Variants in BLOC1S3 observed in about 807,000 individuals in gnomAD.
BLOC1S3 encodes the protein biogenesis of lysosomal organelles complex 1 subunit 3.
In BLOC1S3, 7 loss-of-function variants were observed where a neutral mutation model predicts 9.1. That is an observed-to-expected ratio of 0.77 (90% CI 0.44 to 1.45). The LOEUF (loss-of-function observed/expected upper bound fraction) is 1.45. BLOC1S3 is among the 40% of genes most tolerant of loss of function. The probability of loss-of-function intolerance (pLI) is 0.01; values close to 1 mark genes in which losing one functional copy is unlikely to be tolerated. For synonymous variants in BLOC1S3, 145 were observed against 158.4 expected, an observed-to-expected ratio of 0.92 and a Z score of 0.64; for missense variants, 307 against 315.2, an observed-to-expected ratio of 0.97 and a Z score of 0.20.
chr19:45,199,650 C>A (rs2122923556), intron 2 of BLOC1S3, among the ~76,000 whole-genome samples: 1 of 151,736 alleles, frequency 6.6e-6, no homozygotes, highest in Middle Eastern at 3.4e-3. Flanking sequence ...TCTCCTCTGG[C>A]TGTGTCTTGT....
Position 45,180,013 on chromosome 19 carries a change from T to A in BLOC1S3, c.*108T>A. On this transcript the variant is annotated 3_prime_UTR_variant, in exon 2 of 2. Coordinates refer to ENST00000433642, the MANE Select transcript of BLOC1S3 (RefSeq NM_212550.5). Reference sequence around the variant, plus strand: ...TTATCACCCCCCACCCCCGCTCCCATCTTGGTGTCACCCATGGGGGCTAAT... The same window carrying A: ...TTATCACCCCCCACCCCCGCTCCCAACTTGGTGTCACCCATGGGGGCTAAT... The A allele has an allele frequency of 7.4e-7, 1 of 1,343,938 alleles. No individual in the cohort carries two copies. Among genetic ancestry groups the A allele is most frequent in the Non-Finnish European group, 1.0e-6 (1 of 982,380 alleles). The allele number at this position is 1,343,938 out of a possible 1,614,324, so 83.3% of individuals were successfully genotyped here.
At chr19:45,201,344 G>A (rs1434162559) in intron 2 of BLOC1S3, among the ~76,000 whole-genome samples, 5 of 152,040 alleles carry the variant, frequency 3.3e-5, no homozygotes, top group South Asian at 4.1e-4. Flanking sequence ...ATCTCTGTAC[G>A]GAGCTGCCTG....
chr19:45,208,659 G>A (rs1969745602), intron 3 of BLOC1S3, among the ~76,000 whole-genome samples: 1 of 152,132 alleles, frequency 6.6e-6, no homozygotes, highest in South Asian at 2.1e-4. Context: ...GGAGGCTGAG[G>A]CAGGAGAATC....
chr19:45,185,461 C>G (rs565967156), downstream of BLOC1S3, among the ~76,000 whole-genome samples: 442 of 152,278 alleles, frequency 2.9e-3, 1 homozygote, highest in African/African-American at 1.0e-2. Context: ...TAACACATCA[C>G]CCTCAGATGT....
At chr19:45,183,815 T>C (rs1304081606), downstream of BLOC1S3, among the ~76,000 whole-genome samples, 4 of 151,778 alleles carry the variant, frequency 2.6e-5, no homozygotes, top group Non-Finnish European at 5.9e-5. Context: ...TTTTTTCTTT[T>C]TAGTAGAGAT....
rs1969801135 is a variant in BLOC1S3 at position 45,213,462 on chromosome 19, C to T, written n.283-3214C>T. The T allele has an allele frequency of 2.8e-6, 4 of 1,436,286 alleles. No individual in the cohort carries two copies. The African/African-American group carries it at 5.8e-5, about 21-fold the overall frequency. The allele number at this position is 1,436,286 out of a possible 1,614,324, so 89.0% of individuals were successfully genotyped here. A position where few individuals can be genotyped will look rare whatever the true frequency, so the allele number is the denominator to read the frequency against. On this transcript the variant is annotated intron_variant and non_coding_transcript_variant, in intron 3 of 3. Transcript: ENST00000591569. ...ACCCCCTCACCTATCCCAGAAATTG[C>T]CTGAGTTCTGGGGCCTCTGTGTCCC...
intron 3 of BLOC1S3, among the ~76,000 whole-genome samples, chr19:45,207,675 T>C (rs1367424111): frequency 4.0e-5 from 6 of 150,600 alleles, no homozygotes; most frequent in Non-Finnish European, 8.8e-5. Context: ...AGGTGGAGGT[T>C]GCAGAGAGCT....
chr19:45,193,468 G>C (rs1329985137), intron 2 of BLOC1S3, among the ~76,000 whole-genome samples: 4 of 152,012 alleles, frequency 2.6e-5, no homozygotes, highest in South Asian at 4.1e-4. Flanking sequence ...GCATATTTAA[G>C]ACAGTCGATG....
At chr19:45,191,032 C>A (rs1318155372) in intron 2 of BLOC1S3, among the ~76,000 whole-genome samples, 1 of 150,326 alleles carries the variant, frequency 6.7e-6, no homozygotes. Flanking sequence ...GTCTCGATCT[C>A]CTGACCTCAC....
chr19:45,213,162 GC>G, intron 3 of BLOC1S3: 1 of 1,594,432 alleles, frequency 6.3e-7, no homozygotes, highest in Non-Finnish European at 8.5e-7. Context: ...GGGGGAGGCG[GC>G]CCAGGAAGAG....
intron 2 of BLOC1S3, among the ~76,000 whole-genome samples, chr19:45,188,045 G>C (rs75348771): frequency 0.13 from 19,571 of 151,652 alleles, 1,527 homozygotes; most frequent in East Asian, 0.29. Context: ...TTTTTTGAGA[G>C]AGAGCCTCAC....
chr19:45,214,162 TG>T (rs1408266474), intron 3 of BLOC1S3, among the ~76,000 whole-genome samples: 17 of 152,240 alleles, frequency 1.1e-4, no homozygotes, highest in African/African-American at 3.9e-4. Flanking sequence ...TGGGACCCCA[TG>T]GGACTCCAGG....
Position 45,179,649 on chromosome 19 carries a change from C to T in BLOC1S3, c.353C>T (p.Ala118Val). ...LLQLRLAESQ[A>V]RLDHDVAAAV... ...CAACTTCGGCTGGCGGAGAGCCAGGCGCGGCTGGACCACGACGTGGCGGCC... is the reference window on the plus strand; with the variant it reads ...CAACTTCGGCTGGCGGAGAGCCAGGTGCGGCTGGACCACGACGTGGCGGCC... Residue 118 changes from alanine to valine, a missense_variant, in exon 2 of 2, where the codon GCG becomes GTG. Physicochemically the swap from Ala to Val is moderately conservative, Grantham distance 64. Coordinates refer to ENST00000433642, the MANE Select transcript of BLOC1S3 (RefSeq NM_212550.5). The surrounding 1 kb of genome is among the most constrained non-coding windows in gnomAD (Gnocchi z 4.6). 2 of 1,469,040 alleles carry T rather than the reference C, an allele frequency of 1.4e-6. No individual in the cohort carries two copies. Among genetic ancestry groups the T allele is most frequent in the South Asian group, 1.3e-5 (1 of 76,996 alleles). The allele number at this position is 1,469,040 out of a possible 1,614,324, so 91.0% of individuals were successfully genotyped here.
chr19:45,179,630 CGGCT>C lies in BLOC1S3; in HGVS notation c.338_341del (p.Leu113ArgfsTer15), dbSNP rs1568469902. 4 of 1,473,222 alleles carry C rather than the reference CGGCT, an allele frequency of 2.7e-6. No individual in the cohort carries two copies. Among genetic ancestry groups the C allele is most frequent in the Non-Finnish European group, 3.6e-6 (4 of 1,118,716 alleles). The allele number at this position is 1,473,222 out of a possible 1,614,324, so 91.3% of individuals were successfully genotyped here. On this transcript the variant is annotated frameshift_variant, in exon 2 of 2. Coordinates refer to ENST00000433642, the MANE Select transcript of BLOC1S3 (RefSeq NM_212550.5). LOFTEE classifies it high-confidence loss of function. The surrounding 1 kb of genome is among the most constrained non-coding windows in gnomAD (Gnocchi z 4.6). ...CCCCGCGCGCTCGCTCCTGCAACTT[CGGCT>C]GGCGGAGAGCCAGGCGCGGCTGGAC...
At chr19:45,188,139 C>T (rs570590149) in intron 2 of BLOC1S3, among the ~76,000 whole-genome samples, 7 of 152,190 alleles carry the variant, frequency 4.6e-5, no homozygotes, top group East Asian at 3.9e-4. Flanking sequence ...TCTCCTGCCT[C>T]GGCCTCCCGA....
Position 45,212,898 on chromosome 19 carries a change from C to T in BLOC1S3, n.283-3778C>T, listed in dbSNP as rs114087746. ...TACAGGCATGAGCCACCGTGCCTGGCGTTTGTTTCCCTTCTGTACAGGGAG... is the reference window on the plus strand; with the variant it reads ...TACAGGCATGAGCCACCGTGCCTGGTGTTTGTTTCCCTTCTGTACAGGGAG... On this transcript the variant is annotated intron_variant and non_coding_transcript_variant, in intron 3 of 3. Coordinates refer to the BLOC1S3 transcript ENST00000591569. 4.6e-4 allele frequency: 317 copies of T among 685,542 alleles called. 1 individual carries two copies. The African/African-American group carries it at 5.4e-3, about 12-fold the overall frequency. 42.5% of individuals were successfully genotyped at this position (685,542 alleles called of 1,614,324 possible).
chr19:45,214,577 G>A (rs1969813955), intron 3 of BLOC1S3, among the ~76,000 whole-genome samples: 1 of 152,092 alleles, frequency 6.6e-6, no homozygotes, highest in African/African-American at 2.4e-5. Context: ...CAATTCTCCT[G>A]CCTCAGCCTC....
chr19:45,188,253 C>T (rs1969580323), intron 2 of BLOC1S3, among the ~76,000 whole-genome samples: 1 of 152,168 alleles, frequency 6.6e-6, no homozygotes, highest in Non-Finnish European at 1.5e-5. Flanking sequence ...GAACTCCCAA[C>T]CTCAGGTGAT....
At chr19:45,194,603 A>G (rs1250967946) in intron 2 of BLOC1S3, among the ~76,000 whole-genome samples, 6 of 152,160 alleles carry the variant, frequency 3.9e-5, no homozygotes, top group Admixed American at 1.3e-4. Context: ...TAAGTAAAGC[A>G]TGCTACATTC....
Sources: gnomAD v4.1 joint callset for allele counts (sites outside exome capture counted in the v4.1 genomes callset) on GRCh38, gnomAD v4.1.1 for gene constraint, Gnocchi (gnomAD v3.1) non-coding constraint, MANE v1.5 for transcripts, NCBI Gene and HGNC (gene_info 2026-07-23, HGNC 2026-07-21) for gene names.